SEMA5A: variants seen among roughly 807,000 people sequenced by gnomAD.
SEMA5A encodes the protein semaphorin 5A, also known as semaphorin-5A.
SEMA5A carries 55 observed loss-of-function variants against 135.5 expected under a neutral mutation model. The ratio of observed to expected loss-of-function variants is 0.41; its 90% confidence interval spans 0.33 to 0.51. SEMA5A has a LOEUF of 0.51. Among genes scored for constraint, SEMA5A ranks in the 20% least tolerant of loss-of-function variants. SEMA5A has a pLI of 0.37. For synonymous variants in SEMA5A, 580 were observed against 546.5 expected, an observed-to-expected ratio of 1.06 and a Z score of -0.85; for missense variants, 1,290 against 1,419.9, an observed-to-expected ratio of 0.91 and a Z score of 1.47.
chr5:9,093,215 C>T (rs964550124), intron 16 of SEMA5A, among the ~76,000 whole-genome samples: 4 of 152,038 alleles, frequency 2.6e-5, no homozygotes, highest in African/African-American at 7.2e-5. Context: ...TATCTGAAAC[C>T]ATAACATTAT....
intron 5 of SEMA5A, among the ~76,000 whole-genome samples, chr5:9,286,781 T>C (rs1370922857): frequency 6.6e-6 from 1 of 152,028 alleles, no homozygotes; most frequent in African/African-American, 2.4e-5. Context: ...GACTGAAAAA[T>C]GGCAAATTCA....
At chr5:9,469,277 G>T (rs1420519392) in intron 1 of SEMA5A, among the ~76,000 whole-genome samples, 1 of 152,140 alleles carries the variant, frequency 6.6e-6, no homozygotes, top group African/African-American at 2.4e-5. Context: ...AAAGTGCTGG[G>T]ATTACAGGCA....
intron 3 of SEMA5A, among the ~76,000 whole-genome samples, chr5:9,370,842 T>G (rs1372489815): frequency 6.6e-6 from 1 of 152,172 alleles, no homozygotes; most frequent in African/African-American, 2.4e-5. Flanking sequence ...ACTGCCTAAT[T>G]AAAACTTTAC....
At chr5:9,084,070 T>C (rs1014847442) in intron 16 of SEMA5A, among the ~76,000 whole-genome samples, 30 of 152,300 alleles carry the variant, frequency 2.0e-4, no homozygotes, top group African/African-American at 7.2e-4. Flanking sequence ...GCCCCTTTAA[T>C]AAAAGTTGAA....
intron 1 of SEMA5A, among the ~76,000 whole-genome samples, chr5:9,512,294 T>G (rs1264407842): frequency 2.6e-5 from 4 of 152,242 alleles, no homozygotes; most frequent in African/African-American, 9.6e-5. Context: ...TGCATTTCCT[T>G]TTTATTATAT....
At chr5:9,308,929 C>T (rs1003114002) in intron 5 of SEMA5A, among the ~76,000 whole-genome samples, 2 of 152,136 alleles carry the variant, frequency 1.3e-5, no homozygotes, top group Non-Finnish European at 2.9e-5. Context: ...ATTTTTGTTG[C>T]TGTCATCATG....
intron 1 of SEMA5A, among the ~76,000 whole-genome samples, chr5:9,508,023 G>A (rs1392377863): frequency 1.7e-4 from 25 of 145,458 alleles, no homozygotes; most frequent in South Asian, 4.5e-4. Context: ...AAAAAGAAAA[G>A]AAAAAAAGAA....
At chr5:9,470,680 G>T (rs1561279470) in intron 1 of SEMA5A, among the ~76,000 whole-genome samples, 1 of 152,106 alleles carries the variant, frequency 6.6e-6, no homozygotes. Flanking sequence ...CAGGGTCAAT[G>T]GACCATATGC....
intron 4 of SEMA5A, among the ~76,000 whole-genome samples, chr5:9,337,150 G>A (rs1349556959): frequency 6.6e-6 from 1 of 152,164 alleles, no homozygotes; most frequent in African/African-American, 2.4e-5. Flanking sequence ...ACACCCTTAA[G>A]AGATAAAGAT....
chr5:9,134,769 A>G (rs1358456302), intron 13 of SEMA5A, among the ~76,000 whole-genome samples: 2 of 152,232 alleles, frequency 1.3e-5, no homozygotes, highest in Non-Finnish European at 2.9e-5. Flanking sequence ...AAAGATCTGC[A>G]AGAAGATTTG....
chr5:9,390,768 G>GA (rs1402334846), intron 2 of SEMA5A, among the ~76,000 whole-genome samples: 4 of 150,390 alleles, frequency 2.7e-5, no homozygotes, highest in Non-Finnish European at 5.9e-5. Context: ...CATCCTAAAA[G>GA]AAAAAATTAC....
chr5:9,305,502 C>T (rs1188407228), intron 5 of SEMA5A, among the ~76,000 whole-genome samples: 1 of 151,896 alleles, frequency 6.6e-6, no homozygotes, highest in African/African-American at 2.4e-5. Context: ...CTTTGTAGAC[C>T]AGCCATCATT....
intron 5 of SEMA5A, among the ~76,000 whole-genome samples, chr5:9,272,789 C>T (rs1246814502): frequency 2.0e-5 from 3 of 152,246 alleles, no homozygotes; most frequent in South Asian, 2.1e-4. Flanking sequence ...TTAGAAGGAA[C>T]ACTAACAAAC....
chr5:9,286,600 C>T (rs1041333284), intron 5 of SEMA5A, among the ~76,000 whole-genome samples: 1 of 152,110 alleles, frequency 6.6e-6, no homozygotes, highest in Admixed American at 6.5e-5. Context: ...AGCTGACTGA[C>T]CAGGGCTGGA....
At chr5:9,098,107 G>GT (rs1739423242) in intron 16 of SEMA5A, among the ~76,000 whole-genome samples, 2 of 151,934 alleles carry the variant, frequency 1.3e-5, no homozygotes, top group South Asian at 4.2e-4. Context: ...AGCTGACTGT[G>GT]GTATCAAGTG....
chr5:9,089,502 C>T (rs567980659), intron 16 of SEMA5A, among the ~76,000 whole-genome samples: 172 of 152,070 alleles, frequency 1.1e-3, no homozygotes, highest in Non-Finnish European at 2.0e-3. Flanking sequence ...GGGTGAATAT[C>T]GCAGTACATT....
At chr5:9,488,851 T>G (rs1285812943) in intron 1 of SEMA5A, among the ~76,000 whole-genome samples, 1 of 152,228 alleles carries the variant, frequency 6.6e-6, no homozygotes, top group Non-Finnish European at 1.5e-5. Flanking sequence ...ATGAAGTTCT[T>G]TCTGAATCGA....
intron 2 of SEMA5A, among the ~76,000 whole-genome samples, chr5:9,419,617 C>A (rs1266534561): frequency 2.0e-5 from 3 of 152,168 alleles, no homozygotes; most frequent in Admixed American, 6.5e-5. Flanking sequence ...CCTAAGGAGT[C>A]ACAGGTGGGC....
At chr5:9,199,666 AC>A (rs1195271510) in intron 9 of SEMA5A, among the ~76,000 whole-genome samples, 12 of 151,730 alleles carry the variant, frequency 7.9e-5, no homozygotes, top group South Asian at 2.1e-4. Context: ...AAAAAATCCT[AC>A]CCCCCACCGC....
Sources: gnomAD v4.1 joint callset for allele counts (sites outside exome capture counted in the v4.1 genomes callset) on GRCh38, gnomAD v4.1.1 for gene constraint, MANE v1.5 for transcripts, NCBI Gene and HGNC (gene_info 2026-07-23, HGNC 2026-07-21) for gene names.